SLC10A6: variants seen among roughly 807,000 people sequenced by gnomAD.
SLC10A6 encodes the protein solute carrier family 10 member 6.
A neutral mutation model predicts 30.0 loss-of-function variants in SLC10A6; 27 were observed. The observed-to-expected ratio is 0.90, with a 90% CI of 0.66 to 1.24. The LOEUF (loss-of-function observed/expected upper bound fraction) is 1.24, where lower values mean the gene tolerates loss of function less well. SLC10A6 is among the 50% of genes most tolerant of loss of function. The pLI is 0.00. For missense variants in SLC10A6, 439 were observed against 457.0 expected (o/e 0.96, Z 0.36); for synonymous variants, 166 against 173.8 (o/e 0.95, Z 0.36).
intron 2 of SLC10A6, among the ~76,000 whole-genome samples, chr4:86,832,436 C>T (rs1746095628): frequency 6.6e-6 from 1 of 152,034 alleles, no homozygotes; most frequent in South Asian, 2.1e-4. Context: ...GAAACCCTGT[C>T]TCTCCTAAAA....
In SLC10A6 at chr4:86,823,731, T is replaced by C; in HGVS notation, c.1091A>G (p.His364Arg). 6.2e-7 allele frequency: 1 copy of C among 1,614,022 alleles called. No individual in the cohort carries two copies. The highest frequency in any genetic ancestry group is 2.2e-5 in the East Asian group (1 of 44,872). Residue 364 changes from histidine to arginine, a missense_variant, in exon 6 of 6, where the codon CAC becomes CGC. Coordinates refer to ENST00000273905, the MANE Select transcript of SLC10A6 (RefSeq NM_197965.3). ...TPGPPGPMDC[H>R]RALEPVGHIT... ...GTGGCCAACTGGCTCGAGAGCCCTG[T>C]GGCAATCCATTGGCCCTGGTGGCCC...
chr4:86,824,001 G>T, intron 5 of SLC10A6, 99 bp from the exon 6 acceptor site: 1 of 1,101,180 alleles, frequency 9.1e-7, no homozygotes, highest in Non-Finnish European at 1.3e-6. Flanking sequence ...TTGTTTCAGT[G>T]GCATCATGTA....
chr4:86,828,763 CCTTA>C (rs1285629771), intron 3 of SLC10A6, among the ~76,000 whole-genome samples: 1 of 152,072 alleles, frequency 6.6e-6, no homozygotes, highest in Non-Finnish European at 1.5e-5. Context: ...TGGATACTGT[CCTTA>C]CTTTTGTTGT....
chr4:86,836,906 C>A (rs1043836176), intron 1 of SLC10A6, among the ~76,000 whole-genome samples: 3 of 151,824 alleles, frequency 2.0e-5, no homozygotes, highest in Admixed American at 6.6e-5. Context: ...TACAGATGCC[C>A]ACCACCACAC....
Position 86,849,223 on chromosome 4 carries a change from T to A in SLC10A6, c.-108A>T. 1 of 1,328,430 alleles carries A rather than the reference T, an allele frequency of 7.5e-7. No individual in the cohort carries two copies. Among genetic ancestry groups the A allele is most frequent in the South Asian group, 1.4e-5 (1 of 70,824 alleles). The allele number at this position is 1,328,430 out of a possible 1,614,324, so 82.3% of individuals were successfully genotyped here. On this transcript the variant is annotated 5_prime_UTR_variant, in exon 1 of 6. It removes the in-frame stop codon of an upstream open reading frame in the 5' UTR. Transcript: ENST00000273905. ...GTGCAACGAAGTCACACATGGAGAA[T>A]CATTCCAATAACTGTTGGCCAGCAA... is the stretch of plus-strand genomic sequence containing the variant.
chr4:86,834,250 C>T (rs1048967364), intron 1 of SLC10A6, among the ~76,000 whole-genome samples: 1 of 152,158 alleles, frequency 6.6e-6, no homozygotes, highest in Admixed American at 6.5e-5. Context: ...GATGCCTGCT[C>T]CTCTTCCCCT....
At position 86,824,022 on chromosome 4, in the gene SLC10A6, C is replaced by G. The variant is rs1396828106; in HGVS notation, c.920-120G>C. 3.5e-6 allele frequency: 3 copies of G among 846,838 alleles called. No homozygotes were observed. The African/African-American group carries it at 5.1e-5, about 14-fold the overall frequency. 52.5% of individuals were successfully genotyped at this position (846,838 alleles called of 1,614,324 possible). A position where few individuals can be genotyped will look rare whatever the true frequency, so the allele number is the denominator to read the frequency against. On this transcript the variant is annotated intron_variant, in intron 5 of 5. Transcript: ENST00000273905. ...CAGTGGCATCATGTATGTATAAACACCCAGGGAAAAGAAGGGGGAAAGAGA... is the reference window on the plus strand; with the variant it reads ...CAGTGGCATCATGTATGTATAAACAGCCAGGGAAAAGAAGGGGGAAAGAGA...
chr4:86,829,090 C>A (rs961319349), intron 3 of SLC10A6, among the ~76,000 whole-genome samples: 1 of 152,088 alleles, frequency 6.6e-6, no homozygotes, highest in Non-Finnish European at 1.5e-5. Context: ...AGACTAGACC[C>A]CTGCCTAAGA....
intron 1 of SLC10A6, among the ~76,000 whole-genome samples, chr4:86,838,224 G>A (rs1485297412): frequency 1.3e-5 from 2 of 152,120 alleles, no homozygotes; most frequent in Non-Finnish European, 2.9e-5. Flanking sequence ...CCTGCTTCTA[G>A]GATTCTGAAT....
chr4:86,845,105 C>T (rs1746370737), intron 1 of SLC10A6, among the ~76,000 whole-genome samples: 1 of 152,158 alleles, frequency 6.6e-6, no homozygotes, highest in African/African-American at 2.4e-5. Context: ...TTTAACCAAC[C>T]CCAAAATATG....
intron 1 of SLC10A6, among the ~76,000 whole-genome samples, chr4:86,834,015 G>A (rs1027310121): frequency 2.0e-5 from 3 of 151,984 alleles, no homozygotes; most frequent in Non-Finnish European, 4.4e-5. Context: ...TAACATTTTC[G>A]ACGTTTGATA....
chr4:86,836,309 C>T (rs1746183874), intron 1 of SLC10A6, among the ~76,000 whole-genome samples: 1 of 152,118 alleles, frequency 6.6e-6, no homozygotes, highest in African/African-American at 2.4e-5. Context: ...GTTTGAAGTC[C>T]TCAAAAACTG....
intron 4 of SLC10A6, among the ~76,000 whole-genome samples, chr4:86,827,036 G>A (rs1746010790): frequency 6.6e-6 from 1 of 152,054 alleles, no homozygotes; most frequent in Non-Finnish European, 1.5e-5. Context: ...TCACTTCTTT[G>A]AGACTTTTGT....
intron 3 of SLC10A6, 152 bp from the exon 4 acceptor site, chr4:86,828,320 G>C: frequency 1.2e-6 from 1 of 848,924 alleles, no homozygotes; most frequent in Admixed American, 3.3e-5. Flanking sequence ...TTTAGTAGAG[G>C]AGAAATCTGA....
intron 1 of SLC10A6, among the ~76,000 whole-genome samples, chr4:86,842,802 CT>C (rs1251675171): frequency 1.4e-4 from 1 of 7,018 alleles, no homozygotes; most frequent in Non-Finnish European, 2.2e-4. Flanking sequence ...TTCTTTCTTT[CT>C]TTCTTTCTTT....
intron 1 of SLC10A6, among the ~76,000 whole-genome samples, chr4:86,846,283 G>A (rs1746390225): frequency 1.3e-5 from 2 of 151,922 alleles, no homozygotes; most frequent in African/African-American, 4.8e-5. Context: ...GTTTTTGCTT[G>A]TTTTTTTAGT....
chr4:86,829,997 C>T (rs922554077), intron 3 of SLC10A6, among the ~76,000 whole-genome samples: 2 of 152,150 alleles, frequency 1.3e-5, no homozygotes, highest in African/African-American at 4.8e-5. Context: ...AGATAGAGTA[C>T]TTGAAAAGCA....
chr4:86,847,251 T>C (rs1419635616), intron 1 of SLC10A6, among the ~76,000 whole-genome samples: 2 of 152,242 alleles, frequency 1.3e-5, no homozygotes, highest in African/African-American at 4.8e-5. Context: ...TACAAGGTTA[T>C]TATGAGCCCC....
chr4:86,842,354 G>A (rs1041062444), intron 1 of SLC10A6, among the ~76,000 whole-genome samples: 22 of 152,270 alleles, frequency 1.4e-4, no homozygotes, highest in African/African-American at 4.3e-4. Context: ...ACATCCTTAC[G>A]GAAGAATGGA....
Sources: gnomAD v4.1 joint callset for allele counts (sites outside exome capture counted in the v4.1 genomes callset) on GRCh38, gnomAD v4.1.1 for gene constraint, MANE v1.5 for transcripts, NCBI Gene and HGNC (gene_info 2026-07-23, HGNC 2026-07-21) for gene names.